CCDC80: variants seen among roughly 807,000 people sequenced by gnomAD.
The protein encoded by CCDC80 is coiled-coil domain containing 80.
A neutral mutation model predicts 78.7 loss-of-function variants in CCDC80; 49 were observed. That is an observed-to-expected ratio of 0.62 (90% CI 0.50 to 0.79). CCDC80 has a LOEUF of 0.79. CCDC80 is among the 30% of genes least tolerant of loss of function. CCDC80 has a pLI of 0.00. For synonymous variants in CCDC80, 488 were observed against 447.0 expected, an observed-to-expected ratio of 1.09 and a Z score of -1.16; for missense variants, 1,205 against 1,198.6, an observed-to-expected ratio of 1.01 and a Z score of -0.08.
chr3:112,630,496 C>T (rs551507944), intron 2 of CCDC80, among the ~76,000 whole-genome samples: 1 of 152,322 alleles, frequency 6.6e-6, no homozygotes, highest in South Asian at 2.1e-4. Context: ...TTATTTACCT[C>T]CATTACTAGC....
At chr3:112,622,822 A>ATTTTTTTTTTT (rs373170477) in intron 3 of CCDC80, among the ~76,000 whole-genome samples, 275 of 118,866 alleles carry the variant, frequency 2.3e-3, no homozygotes, top group East Asian at 4.7e-3. Flanking sequence ...TGCCCAGCTA[A>ATTTTTTTTTTT]TTTTTTTTTT....
At chr3:112,636,741 G>A (rs1296341505) in intron 2 of CCDC80, among the ~76,000 whole-genome samples, 1 of 152,186 alleles carries the variant, frequency 6.6e-6, no homozygotes, top group Non-Finnish European at 1.5e-5. Flanking sequence ...AATGCAGGGT[G>A]TGCAGTTACC....
chr3:112,609,944 T>A, intron 6 of CCDC80, 34 bp downstream of exon 6: 1 of 1,440,736 alleles, frequency 6.9e-7, no homozygotes, highest in Non-Finnish European at 9.7e-7. Context: ...GAGAGTGGTA[T>A]GGGAAAGCAG....
At chr3:112,626,328 C>T (rs1353639594) in intron 3 of CCDC80, among the ~76,000 whole-genome samples, 1 of 152,118 alleles carries the variant, frequency 6.6e-6, no homozygotes, top group African/African-American at 2.4e-5. Context: ...CTAGAGAAGG[C>T]AGCTGCCAGG....
intron 5 of CCDC80, among the ~76,000 whole-genome samples, chr3:112,614,023 G>A (rs910634383): frequency 6.6e-6 from 1 of 152,082 alleles, no homozygotes; most frequent in Non-Finnish European, 1.5e-5. Context: ...AAATCTTACA[G>A]TGTATGCAGT....
intron 2 of CCDC80, 27 bp from the exon 3 acceptor site, chr3:112,630,296 A>T: frequency 6.2e-7 from 1 of 1,610,834 alleles, no homozygotes; most frequent in South Asian, 1.1e-5. Flanking sequence ...ACAAACAAAT[A>T]CTCATTTATA....
chr3:112,611,351 G>A (rs1248053940), intron 5 of CCDC80, among the ~76,000 whole-genome samples: 2 of 152,180 alleles, frequency 1.3e-5, no homozygotes, highest in Non-Finnish European at 2.9e-5. Context: ...GCAGGCTTCT[G>A]GGTGTAGAAC....
intron 2 of CCDC80, among the ~76,000 whole-genome samples, chr3:112,630,749 A>G (rs1323484894): frequency 6.6e-6 from 1 of 152,216 alleles, no homozygotes; most frequent in African/African-American, 2.4e-5. Context: ...CCTGGGCACT[A>G]CGAAACATTC....
At chr3:112,626,655 C>A (rs1018813384) in intron 3 of CCDC80, among the ~76,000 whole-genome samples, 3 of 152,056 alleles carry the variant, frequency 2.0e-5, no homozygotes, top group Admixed American at 6.5e-5. Flanking sequence ...TCAAGAAATT[C>A]TCCTGCCTCA....
chr3:112,605,475 T>A lies in CCDC80; in HGVS notation c.2795A>T (p.Asp932Val). 1 of 1,614,176 alleles carries A rather than the reference T, an allele frequency of 6.2e-7. No homozygotes were observed. The highest frequency in any genetic ancestry group is 1.1e-5 in the South Asian group (1 of 91,084). ...ATGACGGTAGTCATCCTGGTAACCA[T>A]CCTGGTATCCTTGGTGGTAACTATG... Reference protein sequence around the residue: ...GYHSYHQGYQDGYQDDYRHHE... With the variant: ...GYHSYHQGYQVGYQDDYRHHE... Residue 932 changes from aspartate to valine, a missense_variant, in exon 8 of 8, where the codon GAT (aspartate) becomes GTT (valine). Asp to Val is a radical substitution (Grantham distance 152, BLOSUM62 -3). Coordinates refer to ENST00000206423, the MANE Select transcript of CCDC80 (RefSeq NM_199511.3).
Position 112,638,099 on chromosome 3 carries a change from G to A in CCDC80, c.1807C>T (p.His603Tyr). 2 of 1,614,152 alleles carry A rather than the reference G, an allele frequency of 1.2e-6. No individual in the cohort carries two copies. Among genetic ancestry groups the A allele is most frequent in the Non-Finnish European group, 1.7e-6 (2 of 1,180,020 alleles). Residue 603 changes from histidine to tyrosine, a missense_variant, in exon 2 of 8, where the codon CAC becomes TAC. His to Tyr is a moderately conservative substitution (Grantham distance 83). Transcript: ENST00000206423. ...GACTTCTTGGGACTCTGCGTGAAGT[G>A]TTTGTTGGTGGGTTTCTGATAGCCA... ...QDGYQKPTNKHFTQSPKKSVA... is the reference protein window; with the variant it reads ...QDGYQKPTNKYFTQSPKKSVA...
chr3:112,630,558 T>C (rs972081582), intron 2 of CCDC80, among the ~76,000 whole-genome samples: 6 of 152,234 alleles, frequency 3.9e-5, no homozygotes, highest in African/African-American at 1.4e-4. Flanking sequence ...GAATATTTAT[T>C]TTGCAAGGCT....
chr3:112,623,543 T>A (rs1027204661), intron 3 of CCDC80, among the ~76,000 whole-genome samples: 8 of 152,148 alleles, frequency 5.3e-5, no homozygotes, highest in African/African-American at 1.4e-4. Flanking sequence ...GGAGTGCTTG[T>A]TAAAATTACA....
At chr3:112,623,163 C>G (rs1935902125) in intron 3 of CCDC80, among the ~76,000 whole-genome samples, 1 of 152,110 alleles carries the variant, frequency 6.6e-6, no homozygotes, top group Non-Finnish European at 1.5e-5. Flanking sequence ...AGACATTTGC[C>G]TAGAGTGCTA....
chr3:112,629,703 C>T (rs1047260802), intron 3 of CCDC80, among the ~76,000 whole-genome samples: 3 of 152,122 alleles, frequency 2.0e-5, no homozygotes, highest in Non-Finnish European at 2.9e-5. Context: ...CAAGTACTTC[C>T]GAGAGTCTGG....
At chr3:112,609,678 T>TAA (rs5851853) in intron 6 of CCDC80, among the ~76,000 whole-genome samples, 5 of 150,232 alleles carry the variant, frequency 3.3e-5, no homozygotes, top group African/African-American at 7.3e-5. Flanking sequence ...TGAGACAATT[T>TAA]AAAAAAAAAC....
chr3:112,639,745 T>C lies in CCDC80; in HGVS notation c.161A>G (p.His54Arg). 2 of 1,614,186 alleles carry C rather than the reference T, an allele frequency of 1.2e-6. No homozygotes were observed. The highest frequency in any genetic ancestry group is 1.7e-6 in the Non-Finnish European group (2 of 1,180,030). Reference protein sequence around the residue: ...DSSRPARFLRHTGRSRGIERS... With the variant: ...DSSRPARFLRRTGRSRGIERS... ...CTCAATTCCGCGAGACCTCCCAGTGTGCCTCAGAAACCGAGCTGGCCTACT... is the reference window on the plus strand; with the variant it reads ...CTCAATTCCGCGAGACCTCCCAGTGCGCCTCAGAAACCGAGCTGGCCTACT... The change falls in exon 2 of 8, where the codon CAC (histidine) becomes CGC (arginine). Residue 54 changes from histidine to arginine, a missense_variant. By Grantham distance (29) the His-to-Arg change is conservative (BLOSUM62 0). Transcript: ENST00000206423.
At chr3:112,623,931 ATATC>A (rs1188134655) in intron 3 of CCDC80, among the ~76,000 whole-genome samples, 1 of 152,218 alleles carries the variant, frequency 6.6e-6, no homozygotes, top group East Asian at 1.9e-4. Context: ...AGTTGTTTAC[ATATC>A]TGTCTTCCCC....
intron 7 of CCDC80, 36 bp downstream of exon 7, chr3:112,607,140 A>G (rs764008575): frequency 6.9e-7 from 1 of 1,456,500 alleles, no homozygotes; most frequent in Non-Finnish European, 9.6e-7. Flanking sequence ...TGAACTTAAC[A>G]CTAGTTCATA....
Sources: allele counts gnomAD v4.1 joint callset (sites outside exome capture counted in the v4.1 genomes callset), GRCh38; gene constraint gnomAD v4.1.1; transcripts MANE v1.5; gene names NCBI Gene and HGNC (gene_info 2026-07-23, HGNC 2026-07-21).